PIEZO2: variants seen among roughly 807,000 people sequenced by gnomAD.
PIEZO2 encodes the protein piezo-type mechanosensitive ion channel component 2.
Under a neutral mutation model 337.3 loss-of-function variants are expected in PIEZO2, and 172 were observed. That is an observed-to-expected ratio of 0.51 (90% confidence interval 0.45 to 0.58). The LOEUF is 0.58. PIEZO2 is among the 20% of genes least tolerant of loss of function. PIEZO2 has a pLI of 0.00. For synonymous variants in PIEZO2, 1,251 were observed against 1,228.5 expected (o/e 1.02, Z -0.38); for missense variants, 3,028 against 3,391.3 (o/e 0.89, Z 2.66).
chr18:11,075,144 C>T (rs1403089524), intron 1 of PIEZO2, among the ~76,000 whole-genome samples: 1 of 152,148 alleles, frequency 6.6e-6, no homozygotes, highest in Non-Finnish European at 1.5e-5. Context: ...AACTTTAAAA[C>T]GAACTGACAA....
Position 10,880,881 on chromosome 18 carries a change from ATATATATATATATATATAT to A in PIEZO2, c.330-9485_330-9467del, listed in dbSNP as rs1568159662. Among the ~76,000 whole-genome samples, 218 of 80,324 alleles carry A rather than the reference ATATATATATATATATATAT, an allele frequency of 2.7e-3. 3 individuals are homozygous for A. The highest frequency in any genetic ancestry group is 8.2e-3 in the Admixed American group (66 of 8,022). 52.7% of individuals were successfully genotyped at this position (80,324 alleles called of 152,430 possible). ...TATATATATATATATATATATATAT[ATATATATATATATATATAT>A]AATTTTGATATGAGAGAGAGACTAT... On this transcript the variant is annotated intron_variant, in intron 4 of 55. Transcript: ENST00000674853.
chr18:10,672,746 C>T lies in PIEZO2; in HGVS notation c.8289G>A (p.Leu2763=), dbSNP rs1567932735. The change falls in exon 55 of 56, where the codon CTG becomes CTA. Residue 2763 remains leucine, a synonymous_variant. Coordinates refer to ENST00000674853, the MANE Select transcript of PIEZO2 (RefSeq NM_001378183.1). This position sits in a 1 kb window ranked among gnomAD's most constrained non-coding sequence, Gnocchi z 4.7. ...IYNPNSQALE[L]VVFNDKVSPP... ...GACTGACTTTGTCATTGAAGACCAC[C>T]AGTTCCAGGGCCTGAGAGTTCGGAT... is the stretch of plus-strand genomic sequence containing the variant. The T allele has an allele frequency of 6.2e-7, 1 of 1,614,092 alleles. No individual in the cohort carries two copies. The highest frequency in any genetic ancestry group is 2.2e-5 in the East Asian group (1 of 44,870).
Position 10,750,006 on chromosome 18 carries a change from G to T in PIEZO2, c.4264+85C>A. The T allele has an allele frequency of 9.9e-7, 1 of 1,014,402 alleles. No homozygotes were observed. Among genetic ancestry groups the T allele is most frequent in the Non-Finnish European group, 1.5e-6 (1 of 673,830 alleles). 62.8% of individuals were successfully genotyped at this position (1,014,402 alleles called of 1,614,324 possible). A position where few individuals can be genotyped will look rare whatever the true frequency, so the allele number is the denominator to read the frequency against. On this transcript the variant is annotated intron_variant, in intron 29 of 55. Coordinates refer to ENST00000674853, the MANE Select transcript of PIEZO2 (RefSeq NM_001378183.1). This position sits in a 1 kb window ranked among gnomAD's most constrained non-coding sequence, Gnocchi z 4.1. ...TGACCCCACTTTTATATCTTTATGT[G>T]CTTTGGCCCACTTTTAAAACTAGAA...
chr18:10,765,412 G>T (rs1283586825), intron 21 of PIEZO2, among the ~76,000 whole-genome samples: 3 of 152,184 alleles, frequency 2.0e-5, no homozygotes, highest in Non-Finnish European at 4.4e-5. Flanking sequence ...GATCCCGGGG[G>T]TCTTATACCA....
chr18:10,880,079 T>C (rs1334704988), intron 4 of PIEZO2, among the ~76,000 whole-genome samples: 1 of 152,176 alleles, frequency 6.6e-6, no homozygotes, highest in Non-Finnish European at 1.5e-5. Context: ...TGAAAGCTGG[T>C]TGGTAGATAC....
Position 10,681,830 on chromosome 18 carries a change from T to C in PIEZO2, c.7687-77A>G, listed in dbSNP as rs575935818. On this transcript the variant is annotated intron_variant, in intron 50 of 55. Transcript: ENST00000674853. ...TCCTGAGTCAAAAGAAAAACATTTA[T>C]GTAGGATATCAGCCCATTTATGTAG... The C allele has an allele frequency of 1.7e-4, 208 of 1,253,736 alleles. 3 individuals carry two copies. The South Asian group carries it at 2.5e-3, about 15-fold the overall frequency. 77.7% of individuals were successfully genotyped at this position (1,253,736 alleles called of 1,614,324 possible).
rs1252318389 is a variant in PIEZO2 at position 10,945,502 on chromosome 18, A to G, written c.286+34033T>C. Among the ~76,000 whole-genome samples, 1 of 152,222 alleles carries G rather than the reference A, an allele frequency of 6.6e-6. No individual in the cohort carries two copies. The highest frequency in any genetic ancestry group is 6.5e-5 in the Admixed American group (1 of 15,282). ...TGAAATTGGTCTGGTCTTGCCTCACAAATGTTTAAACAAAACACCCCCAAG... is the reference window on the plus strand; with the variant it reads ...TGAAATTGGTCTGGTCTTGCCTCACGAATGTTTAAACAAAACACCCCCAAG... On this transcript the variant is annotated intron_variant, in intron 3 of 55. Coordinates refer to ENST00000674853, the MANE Select transcript of PIEZO2 (RefSeq NM_001378183.1). The surrounding 1 kb of genome is among the most constrained non-coding windows in gnomAD (Gnocchi z 4.0).
chr18:11,130,062 C>G (rs187233550), intron 1 of PIEZO2, among the ~76,000 whole-genome samples: 1 of 152,290 alleles, frequency 6.6e-6, no homozygotes, highest in East Asian at 1.9e-4. Flanking sequence ...CTGCCACTAC[C>G]TAGAAAAATA....
intron 7 of PIEZO2, among the ~76,000 whole-genome samples, chr18:10,845,513 T>C (rs1410667746): frequency 2.0e-5 from 3 of 152,200 alleles, no homozygotes; most frequent in African/African-American, 7.2e-5. Context: ...CACATACATG[T>C]GTTTCTACAG....
chr18:10,991,187 C>CACACAT (rs2035080768), intron 2 of PIEZO2, among the ~76,000 whole-genome samples: 1 of 148,200 alleles, frequency 6.7e-6, no homozygotes, highest in African/African-American at 2.5e-5. Flanking sequence ...CACACACACA[C>CACACAT]ACATACATAC....
chr18:10,916,928 A>T (rs1001787461), intron 3 of PIEZO2, among the ~76,000 whole-genome samples: 2 of 152,130 alleles, frequency 1.3e-5, no homozygotes, highest in Admixed American at 6.5e-5. Context: ...TATAATTTTT[A>T]AAAAATACCT....
chr18:11,064,893 TG>T (rs894114711), intron 2 of PIEZO2, among the ~76,000 whole-genome samples: 5 of 152,252 alleles, frequency 3.3e-5, no homozygotes, highest in Non-Finnish European at 4.4e-5. Flanking sequence ...GCTATAATCT[TG>T]TTTCTCAGGC....
rs2038300890 is a variant in PIEZO2, at chr18:11,070,478, A to C, written c.65-4256T>G. Among the ~76,000 whole-genome samples the C allele has an allele frequency of 6.6e-6, 1 of 152,206 alleles. No homozygotes were observed. Among genetic ancestry groups the C allele is most frequent in the African/African-American group, 2.4e-5 (1 of 41,434 alleles). The stretch of plus-strand genomic sequence containing the variant: ...AGGTGTTTGTCTTAGCTCTGCCTAC[A>C]TGTGGGATGAGAGGGGGCAAGCAAA... On this transcript the variant is annotated intron_variant, in intron 1 of 55. Transcript: ENST00000674853. The surrounding 1 kb of genome is among the most constrained non-coding windows in gnomAD (Gnocchi z 4.3).
chr18:10,965,929 C>T (rs2033976215), intron 3 of PIEZO2, among the ~76,000 whole-genome samples: 1 of 152,078 alleles, frequency 6.6e-6, no homozygotes, highest in African/African-American at 2.4e-5. Flanking sequence ...GGATACTTGA[C>T]TTTTTTTACC....
In PIEZO2 at chr18:10,781,271, C is replaced by T. The variant is rs1048739679; in HGVS notation, c.2493-905G>A. 6.6e-6 allele frequency among the ~76,000 whole-genome samples: 1 copy of T among 151,926 alleles called. No homozygotes were observed. The highest frequency in any genetic ancestry group is 1.5e-5 in the Non-Finnish European group (1 of 68,004). On this transcript the variant is annotated intron_variant, in intron 17 of 55. Transcript: ENST00000674853. The surrounding 1 kb of genome is among the most constrained non-coding windows in gnomAD (Gnocchi z 4.1). ...GGATCATGAGGTCAAGAGTTCGATA[C>T]CAGCCTGGCCAATATGGTGAAACCC...
Position 10,719,448 on chromosome 18 carries a change from T to A in PIEZO2, c.5030-1189A>T, listed in dbSNP as rs2036163063. 2.0e-5 allele frequency among the ~76,000 whole-genome samples: 3 copies of A among 152,174 alleles called. No homozygotes were observed. In the South Asian group the frequency reaches 6.2e-4, roughly 32 times the overall value. On this transcript the variant is annotated intron_variant, in intron 36 of 55. Coordinates refer to ENST00000674853, the MANE Select transcript of PIEZO2 (RefSeq NM_001378183.1). Reference sequence around the variant, plus strand: ...TAGCTCCCACTGATAAGTGAGAACATGAGATATTTGACTTTCTGCATTCAG... The same window carrying A: ...TAGCTCCCACTGATAAGTGAGAACAAGAGATATTTGACTTTCTGCATTCAG...
At chr18:10,782,628 T>A (rs1426459241) in intron 17 of PIEZO2, among the ~76,000 whole-genome samples, 1 of 149,730 alleles carries the variant, frequency 6.7e-6, no homozygotes, top group Non-Finnish European at 1.5e-5. Flanking sequence ...CCCTTTACAT[T>A]TACTTGGAAA....
At chr18:10,887,033 G>A (rs542953490) in intron 4 of PIEZO2, among the ~76,000 whole-genome samples, 20 of 150,214 alleles carry the variant, frequency 1.3e-4, no homozygotes, top group South Asian at 1.3e-3. Flanking sequence ...CAAGAGAGAC[G>A]GAGAGTTGTG....
intron 4 of PIEZO2, among the ~76,000 whole-genome samples, chr18:10,898,413 T>G (rs1236519899): frequency 1.3e-5 from 2 of 150,558 alleles, no homozygotes; most frequent in Admixed American, 6.6e-5. Context: ...AGAGCGAGAC[T>G]CCGTCTCAAA....
Sources: gnomAD v4.1 joint callset for allele counts (sites outside exome capture counted in the v4.1 genomes callset) on GRCh38, gnomAD v4.1.1 for gene constraint, Gnocchi (gnomAD v3.1) non-coding constraint, MANE v1.5 for transcripts, NCBI Gene and HGNC (gene_info 2026-07-23, HGNC 2026-07-21) for gene names.